GPC3: variants seen among roughly 807,000 people sequenced by gnomAD.
GPC3 encodes glypican-3.
GPC3 carries 3 observed loss-of-function variants against 34.4 expected under a neutral mutation model. That is an observed-to-expected ratio of 0.09 (90% confidence interval 0.04 to 0.23). The LOEUF (loss-of-function observed/expected upper bound fraction) is 0.23. Among genes scored for constraint, GPC3 ranks in the 10% least tolerant of loss-of-function variants. GPC3 has a pLI of 1.00. For synonymous variants in GPC3, 177 were observed against 174.0 expected (o/e 1.02, Z -0.13); for missense variants, 351 against 445.6 (o/e 0.79, Z 1.91).
At chrX:133,584,965 A>T (rs554796261) in intron 7 of GPC3, among the ~76,000 whole-genome samples, 5 of 110,195 alleles carry the variant, frequency 4.5e-5, no homozygotes, top group Middle Eastern at 4.7e-3. Context: ...CAAAAAACAG[A>T]CTAAAAGGCA....
intron 3 of GPC3, among the ~76,000 whole-genome samples, chrX:133,733,115 C>T (rs1360529072): frequency 4.5e-5 from 5 of 110,988 alleles, no homozygotes; most frequent in African/African-American, 6.6e-5. Flanking sequence ...TTGAAAGGAA[C>T]GAAATAAGAT....
chrX:133,984,346 T>C (rs927379279), intron 1 of GPC3, among the ~76,000 whole-genome samples: 9 of 113,298 alleles, frequency 7.9e-5, no homozygotes, highest in Admixed American at 2.8e-4. Flanking sequence ...TTTGGTCTAA[T>C]TGGATTCTAA....
chrX:133,905,372 C>T (rs1000454443), intron 2 of GPC3, among the ~76,000 whole-genome samples: 6 of 112,367 alleles, frequency 5.3e-5, no homozygotes, highest in Non-Finnish European at 1.1e-4. Context: ...TCTACAGTTT[C>T]CAATGGAGTT....
intron 2 of GPC3, among the ~76,000 whole-genome samples, chrX:133,872,961 A>C (rs2076000384): frequency 8.9e-6 from 1 of 112,983 alleles, no homozygotes; most frequent in Non-Finnish European, 1.9e-5. Context: ...GATGGCTAAC[A>C]TGTTTAAAAG....
intron 6 of GPC3, among the ~76,000 whole-genome samples, chrX:133,638,581 C>T (rs1380205441): frequency 1.8e-5 from 2 of 111,702 alleles, no homozygotes; most frequent in Non-Finnish European, 3.8e-5. Flanking sequence ...ATACGTAGGT[C>T]GTTCTGTTTT....
At chrX:133,813,020 T>G (rs1046465031) in intron 2 of GPC3, among the ~76,000 whole-genome samples, 4 of 112,612 alleles carry the variant, frequency 3.6e-5, no homozygotes, top group Admixed American at 9.4e-5. Context: ...CTGAGAAGGG[T>G]TCTATGCTGA....
chrX:133,622,988 G>C (rs1223227213), intron 6 of GPC3, among the ~76,000 whole-genome samples: 1 of 112,201 alleles, frequency 8.9e-6, no homozygotes, highest in East Asian at 2.8e-4. Context: ...AGCCAGAAGA[G>C]AGTGGGGGCC....
At chrX:133,618,676 G>A (rs1485157897) in intron 6 of GPC3, among the ~76,000 whole-genome samples, 16 of 102,638 alleles carry the variant, frequency 1.6e-4, no homozygotes, top group African/African-American at 5.4e-4. Flanking sequence ...ATTCCAGCCT[G>A]GGTCACAGAG....
chrX:133,648,407 A>T (rs752081682), intron 6 of GPC3, among the ~76,000 whole-genome samples: 1 of 111,347 alleles, frequency 9.0e-6, no homozygotes, highest in African/African-American at 3.3e-5. Flanking sequence ...CCATTTTCCC[A>T]TCAGGCAGTG....
At chrX:133,614,759 C>A (rs1415319434) in intron 6 of GPC3, among the ~76,000 whole-genome samples, 2 of 110,575 alleles carry the variant, frequency 1.8e-5, no homozygotes, top group Non-Finnish European at 3.8e-5. Context: ...TTCATAAAAC[C>A]CAAAGTTGCT....
intron 2 of GPC3, among the ~76,000 whole-genome samples, chrX:133,863,323 C>T (rs987074826): frequency 2.7e-5 from 3 of 111,987 alleles, no homozygotes; most frequent in African/African-American, 6.5e-5. Flanking sequence ...AGAACGATGC[C>T]ATCTTTCTCT....
At chrX:133,657,526 T>C (rs1197499287) in intron 6 of GPC3, among the ~76,000 whole-genome samples, 1 of 111,231 alleles carries the variant, frequency 9.0e-6, no homozygotes, top group East Asian at 2.8e-4. Context: ...AGAAAATAAG[T>C]CCTCACACAA....
intron 6 of GPC3, among the ~76,000 whole-genome samples, chrX:133,602,193 G>C (rs1042439002): frequency 6.3e-5 from 7 of 111,560 alleles, no homozygotes; most frequent in African/African-American, 2.3e-4. Flanking sequence ...CCACATTCTC[G>C]CTCATATGTA....
intron 7 of GPC3, among the ~76,000 whole-genome samples, chrX:133,587,803 G>A (rs970607693): frequency 2.7e-5 from 3 of 111,896 alleles, no homozygotes; most frequent in African/African-American, 9.7e-5. Flanking sequence ...CAACTTATGA[G>A]GTGGGTAGGT....
chrX:133,829,696 C>T (rs767887156), intron 2 of GPC3, among the ~76,000 whole-genome samples: 2 of 110,596 alleles, frequency 1.8e-5, no homozygotes, highest in South Asian at 7.6e-4. Flanking sequence ...AAATTAAAAG[C>T]AAAAAGAAAA....
intron 7 of GPC3, among the ~76,000 whole-genome samples, chrX:133,546,045 A>T (rs2069383289): frequency 8.9e-6 from 1 of 112,011 alleles, no homozygotes; most frequent in Non-Finnish European, 1.9e-5. Context: ...CACTGATAGG[A>T]CTTTAACTAC....
chrX:133,897,165 T>C (rs1254058433), intron 2 of GPC3, among the ~76,000 whole-genome samples: 19 of 105,793 alleles, frequency 1.8e-4, no homozygotes, highest in South Asian at 4.4e-4. Flanking sequence ...CTTGGCCTCC[T>C]AAAGTGCTGG....
chrX:133,611,187 G>C (rs771101991), intron 6 of GPC3, among the ~76,000 whole-genome samples: 1 of 107,694 alleles, frequency 9.3e-6, no homozygotes, highest in African/African-American at 3.4e-5. Context: ...AACAGGCTAG[G>C]GGGAGAGCAA....
chrX:133,958,541 T>A (rs1602562110), intron 1 of GPC3, among the ~76,000 whole-genome samples: 1 of 80,648 alleles, frequency 1.2e-5, no homozygotes, highest in Admixed American at 1.5e-4. Context: ...TGAGACCCAG[T>A]CTCAAAAAAA....
Sources: allele counts gnomAD v4.1 joint callset (sites outside exome capture counted in the v4.1 genomes callset), GRCh38; gene constraint gnomAD v4.1.1; transcripts MANE v1.5; gene names NCBI Gene and HGNC (gene_info 2026-07-23, HGNC 2026-07-21).